Variants in CSMD1 observed in about 807,000 individuals in gnomAD.
The protein encoded by CSMD1 is CUB and sushi domain-containing protein 1.
In CSMD1, 213 loss-of-function variants were observed where a neutral mutation model predicts 417.5. That is an observed-to-expected ratio of 0.51 (90% confidence interval 0.46 to 0.57). The LOEUF (loss-of-function observed/expected upper bound fraction) is 0.57, where lower values mean the gene tolerates loss of function less well. CSMD1 is among the 20% of genes least tolerant of loss of function. CSMD1 has a pLI of 0.00. For missense variants in CSMD1, 6,923 were observed against 4,529.7 expected (o/e 1.53, Z -15.17); for synonymous variants, 2,862 against 1,736.8 (o/e 1.65, Z -16.11).
At chr8:4,544,520 T>G (rs915918111) in intron 2 of CSMD1, among the ~76,000 whole-genome samples, 2 of 152,128 alleles carry the variant, frequency 1.3e-5, no homozygotes, top group African/African-American at 4.8e-5. Flanking sequence ...TGGGATCCAC[T>G]GCTGACTTTT....
chr8:4,894,656 T>C (rs1487512741), intron 1 of CSMD1, among the ~76,000 whole-genome samples: 1 of 151,922 alleles, frequency 6.6e-6, no homozygotes, highest in African/African-American at 2.4e-5. Context: ...AAAGGGATTT[T>C]AATGTGTTTC....
At chr8:3,355,638 A>C (rs1472018143) in intron 21 of CSMD1, among the ~76,000 whole-genome samples, 1 of 152,128 alleles carries the variant, frequency 6.6e-6, no homozygotes, top group African/African-American at 2.4e-5. Context: ...ATGATATGAG[A>C]TCAGGAAGCC....
intron 46 of CSMD1, among the ~76,000 whole-genome samples, chr8:3,100,517 A>T (rs1162439855): frequency 6.6e-6 from 1 of 152,228 alleles, no homozygotes; most frequent in Non-Finnish European, 1.5e-5. Flanking sequence ...ATTTCTTAGC[A>T]GCAATCACAC....
intron 2 of CSMD1, among the ~76,000 whole-genome samples, chr8:4,542,356 CA>C (rs34330098): frequency 0.3 from 45,443 of 151,128 alleles, 8,038 homozygotes; most frequent in South Asian, 0.39. Flanking sequence ...AACTTACTAA[CA>C]AAAAAAAAGT....
intron 12 of CSMD1, among the ~76,000 whole-genome samples, chr8:3,443,957 G>C (rs1037454840): frequency 2.6e-5 from 4 of 152,118 alleles, no homozygotes; most frequent in African/African-American, 9.7e-5. Context: ...CTGAGAGCGG[G>C]GACACTGGGT....
At chr8:4,554,651 C>T (rs1412617262) in intron 2 of CSMD1, among the ~76,000 whole-genome samples, 1 of 152,140 alleles carries the variant, frequency 6.6e-6, no homozygotes, top group Non-Finnish European at 1.5e-5. Context: ...CCATAGGCAA[C>T]ATTTACCATA....
chr8:4,760,879 C>T (rs990899480), intron 1 of CSMD1, among the ~76,000 whole-genome samples: 1 of 152,130 alleles, frequency 6.6e-6, no homozygotes, highest in African/African-American at 2.4e-5. Context: ...CATGTCATGA[C>T]CTTTTAGAAA....
Position 4,715,576 on chromosome 8 carries a change from C to T in CSMD1, c.86-78018G>A, listed in dbSNP as rs550634034. The stretch of plus-strand genomic sequence containing the variant: ...CAACGGTCCACCCTGAACTTCTCTG[C>T]GGATGCCTCACTGACATCCAAAATT... On this transcript the variant is annotated intron_variant, in intron 1 of 69. Transcript: ENST00000635120. Among the ~76,000 whole-genome samples the T allele has an allele frequency of 3.1e-4, 47 of 152,252 alleles. 1 individual carries two copies. In the South Asian group the frequency reaches 9.8e-3, roughly 32 times the overall value.
chr8:3,171,137 A>G (rs1006381281), intron 37 of CSMD1, among the ~76,000 whole-genome samples: 1 of 152,248 alleles, frequency 6.6e-6, no homozygotes, highest in East Asian at 1.9e-4. Flanking sequence ...TTTTAAAATG[A>G]GAAATAAACA....
chr8:3,503,415 G>A (rs1347814036), intron 10 of CSMD1, among the ~76,000 whole-genome samples: 1 of 152,234 alleles, frequency 6.6e-6, no homozygotes, highest in African/African-American at 2.4e-5. Flanking sequence ...TTCAGGGTGG[G>A]AAATAAAGTT....
At chr8:4,309,544 T>C (rs1798443579) in intron 3 of CSMD1, among the ~76,000 whole-genome samples, 1 of 152,116 alleles carries the variant, frequency 6.6e-6, no homozygotes. Flanking sequence ...AAAGTATAAA[T>C]CATAGGCTCA....
chr8:2,959,208 T>G (rs1260964942), intron 62 of CSMD1, among the ~76,000 whole-genome samples: 1 of 152,188 alleles, frequency 6.6e-6, no homozygotes, highest in African/African-American at 2.4e-5. Flanking sequence ...AGGGCTCAAG[T>G]AGCTCCCATC....
chr8:3,521,718 G>T (rs999016966), intron 10 of CSMD1, among the ~76,000 whole-genome samples: 1 of 152,176 alleles, frequency 6.6e-6, no homozygotes, highest in Non-Finnish European at 1.5e-5. Context: ...TTCTTAATGA[G>T]AACAGTATGC....
At chr8:4,791,072 GAGAGAGACGGTGAGAGAGACGGT>G in intron 1 of CSMD1, among the ~76,000 whole-genome samples, 1 of 118,462 alleles carries the variant, frequency 8.4e-6, no homozygotes, top group Non-Finnish European at 2.0e-5. Flanking sequence ...GAGAGACGGT[GAGAGAGACGGTGAGAGAGACGGT>G]GAGAAGAGAC....
chr8:3,494,727 G>T (rs1167789386), intron 10 of CSMD1, among the ~76,000 whole-genome samples: 1 of 152,096 alleles, frequency 6.6e-6, no homozygotes, highest in African/African-American at 2.4e-5. Flanking sequence ...CAAGAGAGAC[G>T]CAGAGGGTGT....
At chr8:4,159,314 T>A (rs975573106) in intron 3 of CSMD1, among the ~76,000 whole-genome samples, 5 of 152,200 alleles carry the variant, frequency 3.3e-5, no homozygotes, top group African/African-American at 1.2e-4. Context: ...AAAAGCTAAA[T>A]TAATGTCCAT....
chr8:4,239,740 T>C (rs1045073206), intron 3 of CSMD1, among the ~76,000 whole-genome samples: 1 of 152,080 alleles, frequency 6.6e-6, no homozygotes, highest in Non-Finnish European at 1.5e-5. Flanking sequence ...GAAAGGTGGG[T>C]GGTGGTTTCT....
intron 5 of CSMD1, among the ~76,000 whole-genome samples, chr8:3,868,550 C>A (rs993043352): frequency 3.3e-5 from 5 of 152,128 alleles, no homozygotes; most frequent in Non-Finnish European, 7.3e-5. Flanking sequence ...CAGCCTGAAC[C>A]CTGTTCTGAA....
chr8:3,312,281 G>A (rs1298710220), intron 23 of CSMD1, among the ~76,000 whole-genome samples: 1 of 152,098 alleles, frequency 6.6e-6, no homozygotes, highest in Non-Finnish European at 1.5e-5. Flanking sequence ...GTTATTTATG[G>A]CAGCGTAGTT....
Sources: allele counts gnomAD v4.1 joint callset (sites outside exome capture counted in the v4.1 genomes callset), GRCh38; gene constraint gnomAD v4.1.1; transcripts MANE v1.5; gene names NCBI Gene and HGNC (gene_info 2026-07-23, HGNC 2026-07-21).